The following SKIC3 variants were observed in gnomAD, a reference collection of about 807,000 sequenced individuals.
The protein encoded by SKIC3 is SKI3 subunit of superkiller complex.
At chr5:95,533,822 A>ATTGTTGATC in the SKIC3 span, among the ~76,000 whole-genome samples, 1 of 152,172 alleles carries the variant, frequency 6.6e-6, no homozygotes, top group Non-Finnish European at 1.5e-5. Context: ...TCTGTAGACT[A>ATTGTTGATC]TTGTTGATCC....
At chr5:95,549,993 G>A in the SKIC3 span, among the ~76,000 whole-genome samples, 1 of 151,930 alleles carries the variant, frequency 6.6e-6, no homozygotes, top group Non-Finnish European at 1.5e-5. Flanking sequence ...AGAGGGAGAT[G>A]TCTTTAATAT....
the SKIC3 span, among the ~76,000 whole-genome samples, chr5:95,467,505 G>C: frequency 6.6e-6 from 1 of 152,050 alleles, no homozygotes; most frequent in Admixed American, 6.6e-5. Flanking sequence ...TACATATACA[G>C]GTTAAATCAA....
At chr5:95,528,288 C>A in the SKIC3 span, 1 of 1,025,330 alleles carries the variant, frequency 9.8e-7, no homozygotes, top group Non-Finnish European at 1.5e-6. Flanking sequence ...AAGAATAACT[C>A]AAAGCTAAAT....
the SKIC3 span, among the ~76,000 whole-genome samples, chr5:95,507,209 T>C: frequency 6.6e-6 from 1 of 152,120 alleles, no homozygotes; most frequent in East Asian, 1.9e-4. Context: ...TTCAGGAAAA[T>C]AACATCTAAA....
the SKIC3 span, among the ~76,000 whole-genome samples, chr5:95,505,293 C>T: frequency 6.6e-6 from 1 of 152,026 alleles, no homozygotes; most frequent in African/African-American, 2.4e-5. Flanking sequence ...ACCTTCACTT[C>T]TAAATAAGTT....
chr5:95,467,908 T>C, the SKIC3 span: 1 of 1,613,482 alleles, frequency 6.2e-7, no homozygotes, highest in Non-Finnish European at 8.5e-7. Flanking sequence ...AGTGTCTCAG[T>C]AGGTACCAAC....
the SKIC3 span, among the ~76,000 whole-genome samples, chr5:95,525,928 A>C: frequency 6.6e-6 from 1 of 152,192 alleles, no homozygotes; most frequent in African/African-American, 2.4e-5. Flanking sequence ...ACAAAACCAC[A>C]AACTCACAAG....
At chr5:95,527,463 C>G in the SKIC3 span, among the ~76,000 whole-genome samples, 2 of 152,136 alleles carry the variant, frequency 1.3e-5, no homozygotes, top group African/African-American at 2.4e-5. Context: ...TAATTTAGAC[C>G]AGTAATAGTC....
the SKIC3 span, chr5:95,529,354 T>G: frequency 1.9e-6 from 1 of 532,592 alleles, no homozygotes; most frequent in Non-Finnish European, 3.4e-6. Flanking sequence ...CAATGCATTC[T>G]TTACACTGTA....
the SKIC3 span, among the ~76,000 whole-genome samples, chr5:95,491,558 A>G: frequency 6.6e-6 from 1 of 152,238 alleles, no homozygotes; most frequent in Admixed American, 6.5e-5. Context: ...ATGACTATCT[A>G]TCCCTCATTC....
the SKIC3 span, among the ~76,000 whole-genome samples, chr5:95,496,696 C>G: frequency 6.6e-6 from 1 of 152,000 alleles, no homozygotes; most frequent in African/African-American, 2.4e-5. Flanking sequence ...ATTGGGTAAA[C>G]AAAGAAACAA....
At chr5:95,536,950 A>C in the SKIC3 span, 3 of 1,604,422 alleles carry the variant, frequency 1.9e-6, no homozygotes, top group Non-Finnish European at 1.7e-6. Context: ...AGCAAAATAC[A>C]CTACATTCTA....
At chr5:95,511,737 A>G in the SKIC3 span, among the ~76,000 whole-genome samples, 2 of 152,208 alleles carry the variant, frequency 1.3e-5, no homozygotes, top group Non-Finnish European at 2.9e-5. Context: ...TTGAGCATCT[A>G]GGATATGCCA....
the SKIC3 span, among the ~76,000 whole-genome samples, chr5:95,535,372 G>A: frequency 4.2e-5 from 6 of 144,352 alleles, no homozygotes; most frequent in African/African-American, 1.3e-4. Flanking sequence ...GTGCAGTGGC[G>A]CTATCTCGGC....
At chr5:95,547,182 C>T in the SKIC3 span, 44 of 1,586,152 alleles carry the variant, frequency 2.8e-5, no homozygotes, top group Non-Finnish European at 3.8e-5. Context: ...AGTAAATCTA[C>T]AGTAATACCT....
At chr5:95,540,264 A>T in the SKIC3 span, among the ~76,000 whole-genome samples, 1 of 152,134 alleles carries the variant, frequency 6.6e-6, no homozygotes, top group African/African-American at 2.4e-5. Flanking sequence ...ACTCTAAGCT[A>T]TGAGGACACA....
chr5:95,521,938 G>C, the SKIC3 span: 3 of 1,301,084 alleles, frequency 2.3e-6, no homozygotes, highest in Non-Finnish European at 3.2e-6. Flanking sequence ...ATGGATGCTT[G>C]CTGTTGACTA....
the SKIC3 span, among the ~76,000 whole-genome samples, chr5:95,481,899 T>C: frequency 3.9e-5 from 6 of 152,174 alleles, no homozygotes; most frequent in African/African-American, 1.4e-4. Flanking sequence ...ATACTTTCTC[T>C]GGGGCACAGA....
chr5:95,543,502 G>A, the SKIC3 span, among the ~76,000 whole-genome samples: 3 of 152,168 alleles, frequency 2.0e-5, no homozygotes, highest in Non-Finnish European at 2.9e-5. Context: ...GAGTTGGACT[G>A]TAGGAGTGAC....
Sources: gnomAD v4.1 joint callset for allele counts (sites outside exome capture counted in the v4.1 genomes callset) on GRCh38, gnomAD v4.1.1 for gene constraint, MANE v1.5 for transcripts, NCBI Gene and HGNC (gene_info 2026-07-23, HGNC 2026-07-21) for gene names.